Variants in SURF1 observed in about 807,000 individuals in gnomAD.
The protein encoded by SURF1 is SURF1 cytochrome c oxidase assembly factor, also known as surfeit locus protein 1.
Under a neutral mutation model 34.1 loss-of-function variants are expected in SURF1, and 45 were observed. That is an observed-to-expected ratio of 1.32 (90% CI 1.04 to 1.69). SURF1 has a LOEUF of 1.69. Ranked by LOEUF, SURF1 falls within the 40% of genes most tolerant of loss-of-function variation. The probability of loss-of-function intolerance (pLI) is 0.00; values close to 1 mark genes in which losing one functional copy is unlikely to be tolerated. For missense variants in SURF1, 456 were observed against 384.6 expected (o/e 1.19, Z -1.55); for synonymous variants, 188 against 147.5 (o/e 1.27, Z -1.99).
At chr9:133,354,998 C>G (rs781976128) in intron 2 of SURF1, 41 bp from the exon 3 acceptor site, 2 of 1,609,734 alleles carry the variant, frequency 1.2e-6, no homozygotes, top group Non-Finnish European at 1.7e-6. Context: ...CAGAAGCCCT[C>G]GAACACAGAC....
Position 133,352,758 on chromosome 9 carries a change from A to ATGGT in SURF1, c.520_523dup (p.Ile175AsnfsTer6), listed in dbSNP as rs2130009968. On this transcript the variant is annotated frameshift_variant, in exon 6 of 9. Transcript: ENST00000371974. LOFTEE classifies it high-confidence loss of function. ...GGGAACGAACCCTCTATTTACCAGG[A>ATGGT]TGGTGACTCTAGGGTAATGAAAGTG... is the stretch of plus-strand genomic sequence containing the variant. 6.2e-6 allele frequency: 10 copies of ATGGT among 1,611,344 alleles called. No individual in the cohort carries two copies. The highest frequency in any genetic ancestry group is 7.6e-6 in the Non-Finnish European group (9 of 1,179,184).
At chr9:133,352,403 C>T in intron 7 of SURF1, 43 bp downstream of exon 7, 1 of 1,614,058 alleles carries the variant, frequency 6.2e-7, no homozygotes, top group Non-Finnish European at 8.5e-7. Flanking sequence ...GGACAGTATT[C>T]ACAAAAGCTA....
At position 133,351,913 on chromosome 9, in the gene SURF1, T is replaced by C; in HGVS notation, c.903A>G (p.Ter301TrpextTer5). Residue 301 changes from the stop codon to tryptophan, a stop_lost, in exon 9 of 9, where the codon TGA becomes TGG. Coordinates refer to ENST00000371974, the MANE Select transcript of SURF1 (RefSeq NM_003172.4). ...GGACAGGGCTTCAGCAGCTGATCTG[T>C]CACACACCAGGTGTCCCACGTAGGA... ...KKFLRGTPGV[*>W] The C allele has an allele frequency of 6.2e-7, 1 of 1,613,512 alleles. No homozygotes were observed. Among genetic ancestry groups the C allele is most frequent in the Admixed American group, 1.7e-5 (1 of 59,930 alleles).
intron 5 of SURF1, among the ~76,000 whole-genome samples, chr9:133,353,540 G>T (rs1329004626): frequency 6.6e-6 from 1 of 152,206 alleles, no homozygotes; most frequent in Non-Finnish European, 1.5e-5. Flanking sequence ...TCAACATACA[G>T]AAATTATCCA....
chr9:133,354,418 TGACACCCAG>T (rs2130017061), intron 4 of SURF1, among the ~76,000 whole-genome samples: 12 of 151,994 alleles, frequency 7.9e-5, no homozygotes, highest in Non-Finnish European at 1.3e-4. Flanking sequence ...GAAAAAAGGG[TGACACCCAG>T]GACTCAAAAT....
rs2130002983 is a variant in SURF1 at position 133,351,959 on chromosome 9, G to A, written c.857C>T (p.Ser286Phe). The A allele has an allele frequency of 1.7e-5, 28 of 1,613,824 alleles. 1 individual carries two copies. In the South Asian group the frequency reaches 2.5e-4, roughly 15 times the overall value. Reference sequence around the variant, plus strand: ...TAGGAATTTCTTAAACCACAGGTAGGATGTAGCTGCAGAGAGTCCATACCT... The same window carrying A: ...TAGGAATTTCTTAAACCACAGGTAGAATGTAGCTGCAGAGAGTCCATACCT... ...VTWYGLSAAT[S>F]YLWFKKFLRG... is the part of the protein sequence containing the mutation. The change falls in exon 9 of 9, where the codon TCC becomes TTC. Residue 286 changes from serine (S) to phenylalanine (F), a missense_variant. By Grantham distance (155) the Ser-to-Phe change is radical. Transcript: ENST00000371974.
chr9:133,352,390 G>A, intron 7 of SURF1, 56 bp downstream of exon 7: 3 of 1,613,160 alleles, frequency 1.9e-6, no homozygotes, highest in Non-Finnish European at 2.5e-6. Context: ...GGGTTAGGAG[G>A]AAGGACAGTA....
chr9:133,356,313 G>T lies in SURF1; in HGVS notation c.62C>A (p.Ala21Asp). 1 of 1,521,456 alleles carries T rather than the reference G, an allele frequency of 6.6e-7. No individual in the cohort carries two copies. The highest frequency in any genetic ancestry group is 1.4e-5 in the African/African-American group (1 of 71,270). 94.2% of individuals were successfully genotyped at this position (1,521,456 alleles called of 1,614,324 possible). ...GAGGACGCTCCTCCAGGCGGCGCTG[G>T]CCGGGGCCTGCGGACACGGACGGGC... is the stretch of plus-strand genomic sequence containing the variant. ...LRAAGLGRAPASAAWRSVLRV... is the reference protein window; with the variant it reads ...LRAAGLGRAPDSAAWRSVLRV... The change falls in exon 2 of 9, where the codon GCC becomes GAC. Residue 21 changes from alanine (A) to aspartate (D), a missense_variant. Ala to Asp is a moderately radical substitution (Grantham distance 126). Coordinates refer to ENST00000371974, the MANE Select transcript of SURF1 (RefSeq NM_003172.4).
At position 133,354,958 on chromosome 9, in the gene SURF1, C is replaced by G. The variant is rs1323834482; in HGVS notation, c.107-1G>C. The G allele has an allele frequency of 6.2e-7, 1 of 1,613,076 alleles. No homozygotes were observed. Among genetic ancestry groups the G allele is most frequent in the African/African-American group, 1.3e-5 (1 of 74,926 alleles). On this transcript the variant is annotated splice_acceptor_variant, in intron 2 of 8. Transcript: ENST00000371974. LOFTEE classifies it high-confidence loss of function. Reference sequence around the variant, plus strand: ...CATCTGCTTGGCCTCCAGGCCACCCCTGGAGAGTTTCACAACACTGACATG... The same window carrying G: ...CATCTGCTTGGCCTCCAGGCCACCCGTGGAGAGTTTCACAACACTGACATG...
chr9:133,353,800 G>A lies in SURF1; in HGVS notation c.464C>T (p.Ser155Leu), dbSNP rs1481451113. Residue 155 changes from serine to leucine, a missense_variant, in exon 5 of 9, where the codon TCA becomes TTA. By Grantham distance (145) the Ser-to-Leu change is moderately radical. Transcript: ENST00000371974. ...EAREGGLISS[S>L]TQSGAYVVTP... ...GACCACATAGGCCCCACTCTGAGTT[G>A]AGGAGGAGATGAGGCCGCCCTCCCG... 6.2e-7 allele frequency: 1 copy of A among 1,613,638 alleles called. No individual in the cohort carries two copies. Among genetic ancestry groups the A allele is most frequent in the Admixed American group, 1.7e-5 (1 of 60,012 alleles).
At position 133,355,047 on chromosome 9, in the gene SURF1, A is replaced by G. The variant is rs2130020492; in HGVS notation, c.107-90T>C. Reference sequence around the variant, plus strand: ...TTCCAAGACAGACTCCAGTACTGCCAATCAAAACCTGCTGCCTAGAGCCAA... The same window carrying G: ...TTCCAAGACAGACTCCAGTACTGCCGATCAAAACCTGCTGCCTAGAGCCAA... On this transcript the variant is annotated intron_variant, in intron 2 of 8. Transcript: ENST00000371974. 8.3e-6 allele frequency: 13 copies of G among 1,569,292 alleles called. No homozygotes were observed. In the African/African-American group the frequency reaches 1.8e-4, roughly 21 times the overall value.
At chr9:133,352,278 G>A in intron 7 of SURF1, 136 bp from the exon 8 acceptor site, 1 of 1,372,782 alleles carries the variant, frequency 7.3e-7, no homozygotes. Context: ...CCCCGCCCTT[G>A]TCCGCTCAGT....
At position 133,353,895 on chromosome 9, in the gene SURF1, CCT is replaced by C. The variant is rs2119083553; in HGVS notation, c.367_368del (p.Arg123GlyfsTer4). The C allele has an allele frequency of 3.1e-6, 5 of 1,613,936 alleles. No individual in the cohort carries two copies. Among genetic ancestry groups the C allele is most frequent in the East Asian group, 4.5e-5 (2 of 44,882 alleles). On this transcript the variant is annotated frameshift_variant, in exon 5 of 9. Coordinates refer to ENST00000371974, the MANE Select transcript of SURF1 (RefSeq NM_003172.4). LOFTEE classifies it high-confidence loss of function. The stretch of plus-strand genomic sequence containing the variant: ...GCTCCTTGGAATGGTCAAAGCACCC[CCT>C]GACCTTCACTGGCCTATACTCCAGA... Reference protein sequence around the residue: ...KNLEYRPVKVRGCFDHSKELY... With the variant: ...KNLEYRPVKVXGCFDHSKELY...
intron 4 of SURF1, 56 bp from the exon 5 acceptor site, chr9:133,353,996 T>C: frequency 1.2e-6 from 2 of 1,606,008 alleles, no homozygotes; most frequent in Non-Finnish European, 8.5e-7. Flanking sequence ...ACGAATCCCC[T>C]GAGGGTGGCA....
chr9:133,352,230 G>C (rs2119080406), intron 7 of SURF1, 88 bp from the exon 8 acceptor site: 2 of 1,426,398 alleles, frequency 1.4e-6, no homozygotes, highest in South Asian at 1.2e-5. Context: ...TGCGTGGCCA[G>C]TTGGAAGTCC....
rs1249448018 is a variant in SURF1, at chr9:133,352,137, T to C, written c.757A>G (p.Thr253Ala). 1.9e-6 allele frequency: 3 copies of C among 1,598,484 alleles called. No homozygotes were observed. Among genetic ancestry groups the C allele is most frequent in the Non-Finnish European group, 2.6e-6 (3 of 1,171,816 alleles). The change falls in exon 8 of 9, where the codon ACA (threonine) becomes GCA (alanine). Residue 253 changes from threonine (T) to alanine (A), a missense_variant. Transcript: ENST00000371974. ...PIFIDANFQS[T>A]VPGGPIGGQT... ...CCTCCAATGGGTCCTCCAGGGACTG[T>C]GCTCTCTGTGGAGACAGCAGACTCA...
Position 133,354,747 on chromosome 9 carries a change from G to A in SURF1, c.241-6C>T. ...TTCCACTTCCGACGCTGGACCTACAGTGACAGAGCATAAGGCCAAGCAGAT... is the reference window on the plus strand; with the variant it reads ...TTCCACTTCCGACGCTGGACCTACAATGACAGAGCATAAGGCCAAGCAGAT... On this transcript the variant is annotated splice_polypyrimidine_tract_variant and splice_region_variant and intron_variant, in intron 3 of 8. Transcript: ENST00000371974. The A allele has an allele frequency of 6.2e-7, 1 of 1,613,726 alleles. No homozygotes were observed. The highest frequency in any genetic ancestry group is 8.5e-7 in the Non-Finnish European group (1 of 1,180,038).
At position 133,356,286 on chromosome 9, in the gene SURF1, C is replaced by A. The variant is rs2130024971; in HGVS notation, c.89G>T (p.Arg30Met). ...PASAAWRSVL[R>M]VSPRPGVAWR... Reference sequence around the variant, plus strand: ...GCCCTCACCTGGGCGCGGGGAGACCCTGAGGACGCTCCTCCAGGCGGCGCT... The same window carrying A: ...GCCCTCACCTGGGCGCGGGGAGACCATGAGGACGCTCCTCCAGGCGGCGCT... Residue 30 changes from arginine to methionine, a missense_variant, in exon 2 of 9, where the codon AGG (arginine) becomes ATG (methionine). Coordinates refer to ENST00000371974, the MANE Select transcript of SURF1 (RefSeq NM_003172.4). The A allele has an allele frequency of 1.3e-6, 2 of 1,530,890 alleles. No homozygotes were observed. The highest frequency in any genetic ancestry group is 2.4e-5 in the South Asian group (2 of 83,790). The allele number at this position is 1,530,890 out of a possible 1,614,324, so 94.8% of individuals were successfully genotyped here.
At chr9:133,354,614 T>G in intron 4 of SURF1, 45 bp downstream of exon 4, 4 of 1,608,776 alleles carry the variant, frequency 2.5e-6, no homozygotes, top group Non-Finnish European at 3.4e-6. Context: ...GCTCTGCTGT[T>G]GAACTCAAGT....
Sources: gnomAD v4.1 joint callset for allele counts (sites outside exome capture counted in the v4.1 genomes callset) on GRCh38, gnomAD v4.1.1 for gene constraint, MANE v1.5 for transcripts, NCBI Gene and HGNC (gene_info 2026-07-23, HGNC 2026-07-21) for gene names.